The following MEF2A variants were observed in gnomAD, a reference collection of about 807,000 sequenced individuals.
MEF2A encodes the protein myocyte-specific enhancer factor 2A.
A neutral mutation model predicts 55.8 loss-of-function variants in MEF2A; 28 were observed. That is an observed-to-expected ratio of 0.50 (90% confidence interval 0.37 to 0.69). The LOEUF (loss-of-function observed/expected upper bound fraction) is 0.69. Among genes scored for constraint, MEF2A ranks in the 30% least tolerant of loss-of-function variants. The pLI, the probability that MEF2A is intolerant of heterozygous loss-of-function variation, is 0.00. For missense variants in MEF2A, 528 were observed against 626.2 expected (o/e 0.84, Z 1.67); for synonymous variants, 239 against 227.1 (o/e 1.05, Z -0.47).
At chr15:99,623,738 G>T (rs2041618955) in intron 2 of MEF2A, among the ~76,000 whole-genome samples, 1 of 150,058 alleles carries the variant, frequency 6.7e-6, no homozygotes, top group South Asian at 2.1e-4. Flanking sequence ...TTTAAATTGG[G>T]TTATGTTTTT....
Position 99,662,461 on chromosome 15 carries a change from A to G in MEF2A, c.259-8862A>G, listed in dbSNP as rs150621684. On this transcript the variant is annotated intron_variant, in intron 4 of 11. Transcript: ENST00000557942. ...GTTTCAATTTCCTGAAACTTAAGACATGATTTCTTTTTTCCTCTTTTTTTT... is the reference window on the plus strand; with the variant it reads ...GTTTCAATTTCCTGAAACTTAAGACGTGATTTCTTTTTTCCTCTTTTTTTT... Among the ~76,000 whole-genome samples, 441 of 151,740 alleles carry G rather than the reference A, an allele frequency of 2.9e-3. 1 individual carries two copies. Among genetic ancestry groups the G allele is most frequent in the Admixed American group, 5.7e-3 (87 of 15,242 alleles).
chr15:99,602,949 A>C (rs1039927153), intron 2 of MEF2A, among the ~76,000 whole-genome samples: 8 of 151,984 alleles, frequency 5.3e-5, no homozygotes, highest in African/African-American at 1.9e-4. Flanking sequence ...TTTTCAAGGA[A>C]TTTGTCTATT....
In MEF2A at chr15:99,712,546, A is replaced by G. The variant is rs772481325; in HGVS notation, c.1293A>G (p.Pro431=). The G allele has an allele frequency of 7.8e-6, 12 of 1,548,150 alleles. No homozygotes were observed. The African/African-American group carries it at 1.5e-4, about 20-fold the overall frequency. ...QQQQQQQQPP[P]PPQPQPQPPQ... ...AGCAGCAGCAGCAGCAGCCGCCGCCACCACCGCAGCCCCAGCCACAACCCC... is the reference window on the plus strand; with the variant it reads ...AGCAGCAGCAGCAGCAGCCGCCGCCGCCACCGCAGCCCCAGCCACAACCCC... Residue 431 remains proline (P), a synonymous_variant, in exon 12 of 12, where the codon CCA becomes CCG. Transcript: ENST00000557942. This position sits in a 1 kb window ranked among gnomAD's most constrained non-coding sequence, Gnocchi z 4.1.
At chr15:99,641,179 T>C (rs879864277) in intron 3 of MEF2A, among the ~76,000 whole-genome samples, 1 of 152,194 alleles carries the variant, frequency 6.6e-6, no homozygotes, top group Non-Finnish European at 1.5e-5. Context: ...TTCATCTACC[T>C]GGCAATCCAC....
At chr15:99,578,797 T>G (rs965538476) in intron 1 of MEF2A, among the ~76,000 whole-genome samples, 5 of 152,222 alleles carry the variant, frequency 3.3e-5, no homozygotes, top group Non-Finnish European at 7.3e-5. Flanking sequence ...TCAAAAACTT[T>G]ATCACTGACA....
chr15:99,638,465 GTCC>G (rs2044290351), intron 3 of MEF2A, among the ~76,000 whole-genome samples: 1 of 151,844 alleles, frequency 6.6e-6, no homozygotes, highest in Non-Finnish European at 1.5e-5. Context: ...TATGTATTTT[GTCC>G]TCCTGTATTT....
At chr15:99,703,761 G>A (rs2057706475) in intron 9 of MEF2A, among the ~76,000 whole-genome samples, 1 of 152,144 alleles carries the variant, frequency 6.6e-6, no homozygotes, top group South Asian at 2.1e-4. Context: ...TGTAACACAC[G>A]ATGTTGTGTT....
intron 5 of MEF2A, among the ~76,000 whole-genome samples, chr15:99,672,689 G>A (rs1419740823): frequency 3.3e-5 from 5 of 151,986 alleles, no homozygotes; most frequent in African/African-American, 1.2e-4. Flanking sequence ...TTCAGATTTG[G>A]GATTTTTTTC....
At chr15:99,573,735 A>G (rs759137411) in intron 1 of MEF2A, among the ~76,000 whole-genome samples, 1 of 152,240 alleles carries the variant, frequency 6.6e-6, no homozygotes, top group Admixed American at 6.5e-5. Context: ...GCTAATGAAA[A>G]TACATCAAAG....
At chr15:99,677,502 A>G (rs1024231550) in intron 7 of MEF2A, among the ~76,000 whole-genome samples, 6 of 152,300 alleles carry the variant, frequency 3.9e-5, no homozygotes, top group Admixed American at 3.9e-4. Context: ...AAACTAAAAG[A>G]TAAGATAGAA....
intron 3 of MEF2A, among the ~76,000 whole-genome samples, chr15:99,633,722 A>G (rs2043291987): frequency 6.6e-6 from 1 of 152,000 alleles, no homozygotes; most frequent in Non-Finnish European, 1.5e-5. Context: ...GTGTGGGTAA[A>G]TCCTTACAGA....
chr15:99,690,086 C>T (rs1479475722), intron 7 of MEF2A, among the ~76,000 whole-genome samples, 155 bp from the exon 8 acceptor site: 1 of 152,202 alleles, frequency 6.6e-6, no homozygotes, highest in East Asian at 1.9e-4. Flanking sequence ...AGAAACACTT[C>T]TGGTCCCAAG....
intron 2 of MEF2A, among the ~76,000 whole-genome samples, chr15:99,622,385 G>A (rs1349239216): frequency 1.3e-5 from 2 of 152,086 alleles, no homozygotes; most frequent in African/African-American, 4.8e-5. Flanking sequence ...TTTAAATGTT[G>A]CCATTTTGAG....
chr15:99,703,509 C>G, intron 9 of MEF2A, 124 bp downstream of exon 9: 8 of 835,394 alleles, frequency 9.6e-6, no homozygotes, highest in Non-Finnish European at 1.4e-5. Context: ...TATTCAAACA[C>G]TTTGAATAAA....
Position 99,712,872 on chromosome 15 carries a change from C to T in MEF2A, c.*101C>T, listed in dbSNP as rs1692124578. On this transcript the variant is annotated 3_prime_UTR_variant, in exon 12 of 12. Coordinates refer to ENST00000557942, the MANE Select transcript of MEF2A (RefSeq NM_001319206.4). The surrounding 1 kb of genome is among the most constrained non-coding windows in gnomAD (Gnocchi z 4.1). ...CATGAGTTAAATATATTTATATGTA[C>T]ATACATATATATATCCCTTTACATA... The T allele has an allele frequency of 4.2e-5, 49 of 1,175,702 alleles. No individual in the cohort carries two copies. The highest frequency in any genetic ancestry group is 7.4e-5 in the Admixed American group (3 of 40,698). 72.8% of individuals were successfully genotyped at this position (1,175,702 alleles called of 1,614,324 possible).
intron 10 of MEF2A, among the ~76,000 whole-genome samples, chr15:99,707,066 G>A (rs548786187): frequency 6.6e-6 from 1 of 152,242 alleles, no homozygotes; most frequent in South Asian, 2.1e-4. Flanking sequence ...AGTTATTCCG[G>A]CTTCTCCAGT....
intron 4 of MEF2A, among the ~76,000 whole-genome samples, chr15:99,653,912 C>T (rs1407345278): frequency 4.6e-5 from 7 of 151,928 alleles, no homozygotes; most frequent in Non-Finnish European, 1.5e-5. Flanking sequence ...GTGTTATTTC[C>T]AGAATGTATC....
In MEF2A at chr15:99,708,981, C is replaced by T. The variant is rs565123420; in HGVS notation, c.1010-1653C>T. On this transcript the variant is annotated intron_variant, in intron 10 of 11. Coordinates refer to ENST00000557942, the MANE Select transcript of MEF2A (RefSeq NM_001319206.4). ...TATGTCAAGGATTTTGGAAACTGTC[C>T]GGAGAGCATTGGGGAGCCATAAAAA... is the stretch of plus-strand genomic sequence containing the variant. Among the ~76,000 whole-genome samples, 39 of 152,194 alleles carry T rather than the reference C, an allele frequency of 2.6e-4. No individual in the cohort carries two copies. In the South Asian group the frequency reaches 7.3e-3, roughly 28 times the overall value.
At chr15:99,617,375 T>A (rs1444591217) in intron 2 of MEF2A, among the ~76,000 whole-genome samples, 3 of 152,092 alleles carry the variant, frequency 2.0e-5, no homozygotes, top group Admixed American at 6.5e-5. Context: ...TTCTTGACAC[T>A]TTAGATATGT....
Sources: allele counts gnomAD v4.1 joint callset (sites outside exome capture counted in the v4.1 genomes callset), GRCh38; gene constraint gnomAD v4.1.1; non-coding constraint Gnocchi (gnomAD v3.1); transcripts MANE v1.5; gene names NCBI Gene and HGNC (gene_info 2026-07-23, HGNC 2026-07-21).